Variants in ZNF431 observed in about 807,000 individuals in gnomAD.
ZNF431 encodes the protein zinc finger protein 431.
In ZNF431, 34 loss-of-function variants were observed where a neutral mutation model predicts 57.0. That is an observed-to-expected ratio of 0.60 (90% CI 0.45 to 0.79). ZNF431 has a LOEUF of 0.79. ZNF431 is among the 30% of genes least tolerant of loss of function. The probability of loss-of-function intolerance (pLI) is 0.00; values close to 1 mark genes in which losing one functional copy is unlikely to be tolerated. For missense variants in ZNF431, 607 were observed against 667.1 expected (o/e 0.91, Z 0.99); for synonymous variants, 207 against 220.3 (o/e 0.94, Z 0.54).
Position 21,189,414 on chromosome 19 carries a change from T to G in ZNF431, c.*5380T>G, listed in dbSNP as rs941903302. 2.0e-5 allele frequency: 3 copies of G among 151,160 alleles called. No homozygotes were observed. Among genetic ancestry groups the G allele is most frequent in the Non-Finnish European group, 4.4e-5 (3 of 67,902 alleles). The allele number at this position is 151,160 out of a possible 1,614,324, so 9.4% of individuals were successfully genotyped here. ...AGGAAAATGGCTCAAATCTGGGAGG[T>G]GGTTGTTGCAGGGAGCCGAGATTGC... On this transcript the variant is annotated 3_prime_UTR_variant, in exon 5 of 5. Transcript: ENST00000311048.
chr19:21,183,990 T>C lies in ZNF431; in HGVS notation c.1687T>C (p.Trp563Arg), dbSNP rs1230919461. ...CCTTATTAAACAAAATAATTCATAC[T>C]GGAGAGAAACTCTACAAATGTCAAG... Reference protein sequence around the residue: ...SNLIKQNNSYWRETLQMSRMW... With the variant: ...SNLIKQNNSYRRETLQMSRMW... Residue 563 changes from tryptophan (W) to arginine (R), a missense_variant, in exon 5 of 5, where the codon TGG becomes CGG. Transcript: ENST00000311048. 1.1e-5 allele frequency: 18 copies of C among 1,586,194 alleles called. No individual in the cohort carries two copies. The highest frequency in any genetic ancestry group is 1.4e-5 in the Non-Finnish European group (16 of 1,169,654).
chr19:21,187,817 G>C lies in ZNF431; in HGVS notation c.*3783G>C, dbSNP rs1282193490. On this transcript the variant is annotated 3_prime_UTR_variant, in exon 5 of 5. Transcript: ENST00000311048. Reference sequence around the variant, plus strand: ...ATTTTCCAACTATGTATGCATCACAGCTATTCTTTTTCTGAGTTATAGCTA... The same window carrying C: ...ATTTTCCAACTATGTATGCATCACACCTATTCTTTTTCTGAGTTATAGCTA... 6.6e-6 allele frequency: 1 copy of C among 152,176 alleles called. No individual in the cohort carries two copies. The highest frequency in any genetic ancestry group is 1.5e-5 in the Non-Finnish European group (1 of 68,028). 9.4% of individuals were successfully genotyped at this position (152,176 alleles called of 1,614,324 possible).
At chr19:21,175,936 T>C (rs959902852) in intron 4 of ZNF431, among the ~76,000 whole-genome samples, 4 of 152,252 alleles carry the variant, frequency 2.6e-5, no homozygotes, top group Non-Finnish European at 5.9e-5. Context: ...TTTGGGTATA[T>C]ACCCAGTAAT....
intron 4 of ZNF431, among the ~76,000 whole-genome samples, chr19:21,171,648 C>T: frequency 6.9e-6 from 1 of 144,586 alleles, no homozygotes; most frequent in African/African-American, 2.6e-5. Flanking sequence ...AGTGAGTAGT[C>T]ATGAAAATAT....
chr19:21,182,877 A>T lies in ZNF431; in HGVS notation c.574A>T (p.Asn192Tyr). ...AGTCTTTCATAAATTTTTAAATGCAAATAGACATAAGACAAGACATACTGG... is the reference window on the plus strand; with the variant it reads ...AGTCTTTCATAAATTTTTAAATGCATATAGACATAAGACAAGACATACTGG... ...VKVFHKFLNA[N>Y]RHKTRHTGKK... Residue 192 changes from asparagine to tyrosine, a missense_variant, in exon 5 of 5, where the codon AAT becomes TAT. Transcript: ENST00000311048. The T allele has an allele frequency of 6.2e-7, 1 of 1,614,034 alleles. No individual in the cohort carries two copies. Among genetic ancestry groups the T allele is most frequent in the Non-Finnish European group, 8.5e-7 (1 of 1,179,934 alleles).
At chr19:21,150,652 T>G (rs1232459253) in intron 2 of ZNF431, among the ~76,000 whole-genome samples, 3 of 152,170 alleles carry the variant, frequency 2.0e-5, no homozygotes, top group Non-Finnish European at 2.9e-5. Flanking sequence ...AGGGAAGTCT[T>G]ATTTCTCAGT....
At chr19:21,170,646 C>G (rs1178982511) in intron 4 of ZNF431, among the ~76,000 whole-genome samples, 2 of 150,912 alleles carry the variant, frequency 1.3e-5, no homozygotes, top group Non-Finnish European at 3.0e-5. Flanking sequence ...TCTTTCTTTT[C>G]TTTTCTTTTC....
chr19:21,178,083 T>C (rs1971110665), intron 4 of ZNF431, among the ~76,000 whole-genome samples: 1 of 152,200 alleles, frequency 6.6e-6, no homozygotes, highest in African/African-American at 2.4e-5. Flanking sequence ...TTGTAGCAAT[T>C]GTGAATGGGA....
Position 21,189,993 on chromosome 19 carries a change from AACAAC to A in ZNF431, c.*5961_*5965del. The A allele has an allele frequency of 5.0e-6, 2 of 396,082 alleles. No individual in the cohort carries two copies. The highest frequency in any genetic ancestry group is 7.1e-5 in the East Asian group (2 of 27,996). 24.5% of individuals were successfully genotyped at this position (396,082 alleles called of 1,614,324 possible). ...ACCCCATCTCTACTAAAAATACAAA[AACAAC>A]AAAACAAAAACAAAAAACACCTCAG... is the stretch of plus-strand genomic sequence containing the variant. On this transcript the variant is annotated 3_prime_UTR_variant, in exon 5 of 5. Coordinates refer to ENST00000311048, the MANE Select transcript of ZNF431 (RefSeq NM_133473.4).
At position 21,194,396 on chromosome 19, in the gene ZNF431, G is replaced by C. The variant is rs1971567522; in HGVS notation, c.*10362G>C. Reference sequence around the variant, plus strand: ...AGCTTTCTATGCTCATGGATTTGAAGAATGAATAGAAAATGTCTATGCTGC... The same window carrying C: ...AGCTTTCTATGCTCATGGATTTGAACAATGAATAGAAAATGTCTATGCTGC... On this transcript the variant is annotated 3_prime_UTR_variant, in exon 5 of 5. Transcript: ENST00000311048. 6.6e-6 allele frequency: 1 copy of C among 151,262 alleles called. No individual in the cohort carries two copies. The highest frequency in any genetic ancestry group is 2.4e-5 in the African/African-American group (1 of 41,258). 9.4% of individuals were successfully genotyped at this position (151,262 alleles called of 1,614,324 possible).
intron 2 of ZNF431, among the ~76,000 whole-genome samples, chr19:21,154,825 G>A (rs1970375250): frequency 6.6e-6 from 1 of 152,186 alleles, no homozygotes; most frequent in South Asian, 2.1e-4. Flanking sequence ...CTTCTTTTGA[G>A]AAGTGTCTGT....
At chr19:21,143,733 A>G in intron 2 of ZNF431, 90 bp downstream of exon 2, 1 of 878,930 alleles carries the variant, frequency 1.1e-6, no homozygotes, top group South Asian at 1.5e-5. Context: ...CGATGCTGGC[A>G]CTGATGGGAA....
intron 2 of ZNF431, 26 bp downstream of exon 2, chr19:21,143,669 T>A (rs1970003932): frequency 1.3e-6 from 2 of 1,563,774 alleles, no homozygotes; most frequent in Non-Finnish European, 8.8e-7. Context: ...ATTAAAATTG[T>A]CTACGCCCAA....
At chr19:21,172,629 C>T (rs966337225) in intron 4 of ZNF431, among the ~76,000 whole-genome samples, 12 of 151,956 alleles carry the variant, frequency 7.9e-5, no homozygotes, top group African/African-American at 2.7e-4. Flanking sequence ...ATGGAGATTT[C>T]CTCTCTATAA....
chr19:21,162,962 A>G (rs1285821161), intron 2 of ZNF431, among the ~76,000 whole-genome samples: 1 of 150,984 alleles, frequency 6.6e-6, no homozygotes, highest in East Asian at 1.9e-4. Flanking sequence ...TATCCCTCCT[A>G]TCTGTCTATA....
chr19:21,168,477 C>G (rs933685572), intron 4 of ZNF431, among the ~76,000 whole-genome samples: 2 of 152,056 alleles, frequency 1.3e-5, no homozygotes, highest in African/African-American at 4.8e-5. Flanking sequence ...AGCGATTCTC[C>G]TGCTTCAGCC....
chr19:21,180,882 T>C (rs932549748), intron 4 of ZNF431, among the ~76,000 whole-genome samples: 2 of 150,818 alleles, frequency 1.3e-5, no homozygotes, highest in Non-Finnish European at 2.9e-5. Context: ...AGGAGGCGGA[T>C]GTTGCCGTGA....
rs1458576260 is a variant in ZNF431, at chr19:21,149,709, A to G, written c.96+6066A>G. ...CTTTTTGAGCTTGGCGATCTGAGCC[A>G]CAGACTTGAGACCCAGGGCCTTCCC... On this transcript the variant is annotated intron_variant, in intron 2 of 4. Transcript: ENST00000311048. 2.8e-5 allele frequency: 17 copies of G among 605,332 alleles called. No individual in the cohort carries two copies. In the Admixed American group the frequency reaches 2.9e-4, roughly 10 times the overall value. The allele number at this position is 605,332 out of a possible 1,614,324, so 37.5% of individuals were successfully genotyped here.
At chr19:21,151,725 C>G (rs989018018) in intron 2 of ZNF431, among the ~76,000 whole-genome samples, 2 of 152,152 alleles carry the variant, frequency 1.3e-5, no homozygotes, top group Admixed American at 6.5e-5. Context: ...GCATTCTATC[C>G]TAAGGTACCC....
Sources: allele counts gnomAD v4.1 joint callset (sites outside exome capture counted in the v4.1 genomes callset), GRCh38; gene constraint gnomAD v4.1.1; transcripts MANE v1.5; gene names NCBI Gene and HGNC (gene_info 2026-07-23, HGNC 2026-07-21).